GLIS3: variants seen among roughly 807,000 people sequenced by gnomAD.
GLIS3 encodes the protein GLIS family zinc finger 3, also known as zinc finger protein GLIS3.
GLIS3 carries 53 observed loss-of-function variants against 78.6 expected under a neutral mutation model. The observed-to-expected ratio is 0.67, with a 90% CI of 0.54 to 0.85. GLIS3 has a LOEUF of 0.85. Among genes scored for constraint, GLIS3 ranks in the 40% least tolerant of loss-of-function variants. GLIS3 has a pLI of 0.00. For missense variants in GLIS3, 1,703 were observed against 1,231.1 expected (o/e 1.38, Z -5.74); for synonymous variants, 684 against 509.9 (o/e 1.34, Z -4.60).
chr9:4,177,182 T>C (rs1358183636), intron 2 of GLIS3, among the ~76,000 whole-genome samples: 1 of 151,892 alleles, frequency 6.6e-6, no homozygotes, highest in Non-Finnish European at 1.5e-5. Context: ...AAATCACCAT[T>C]GCTTTAATTT....
At chr9:4,124,946 C>A (rs1214893108) in intron 3 of GLIS3, among the ~76,000 whole-genome samples, 1 of 152,198 alleles carries the variant, frequency 6.6e-6, no homozygotes, top group Non-Finnish European at 1.5e-5. Flanking sequence ...AACATAGACA[C>A]AGACCTTAAA....
chr9:4,341,202 C>T (rs1452464625), intron 2 of GLIS3, among the ~76,000 whole-genome samples: 1 of 152,220 alleles, frequency 6.6e-6, no homozygotes, highest in African/African-American at 2.4e-5. Context: ...CAAAACAAGA[C>T]TGCTCTCTAT....
intron 2 of GLIS3, among the ~76,000 whole-genome samples, chr9:4,340,475 C>T (rs1057314938): frequency 6.6e-6 from 1 of 152,118 alleles, no homozygotes; most frequent in Non-Finnish European, 1.5e-5. Context: ...GCAAATTCCT[C>T]ATCTTTCAGG....
chr9:4,374,897 C>A, the GLIS3 span, among the ~76,000 whole-genome samples: 1 of 152,222 alleles, frequency 6.6e-6, no homozygotes, highest in Non-Finnish European at 1.5e-5. Flanking sequence ...TTTTTTCCAC[C>A]TGACAACTCA....
At chr9:4,278,134 C>T (rs566711460) in intron 2 of GLIS3, among the ~76,000 whole-genome samples, 7 of 152,292 alleles carry the variant, frequency 4.6e-5, no homozygotes, top group Admixed American at 4.6e-4. Context: ...TTGCTGAAAA[C>T]ACTGACAAGT....
At chr9:3,887,474 GAAAT>G (rs761227718) in intron 7 of GLIS3, among the ~76,000 whole-genome samples, 71 of 152,302 alleles carry the variant, frequency 4.7e-4, no homozygotes, top group Admixed American at 1.6e-3. Flanking sequence ...CTAGGGAACA[GAAAT>G]AAATAAAGCA....
intron 2 of GLIS3, among the ~76,000 whole-genome samples, chr9:4,176,405 T>C (rs1816817841): frequency 2.0e-5 from 3 of 152,208 alleles, no homozygotes; most frequent in Middle Eastern, 3.2e-3. Context: ...ATAGGCAATT[T>C]TGCATGAAGT....
chr9:4,429,072 A>G, the GLIS3 span, among the ~76,000 whole-genome samples: 33,997 of 152,104 alleles, frequency 0.22, 4,573 homozygotes, highest in African/African-American at 0.38. Context: ...GTACCATATA[A>G]AATTGCTATC....
chr9:4,443,728 C>T, the GLIS3 span, among the ~76,000 whole-genome samples: 90 of 152,322 alleles, frequency 5.9e-4, no homozygotes, highest in African/African-American at 2.1e-3. Flanking sequence ...AAAGGAGTAA[C>T]AGGCTTATAT....
intron 2 of GLIS3, among the ~76,000 whole-genome samples, chr9:4,340,658 T>C (rs1001545469): frequency 6.6e-6 from 1 of 152,148 alleles, no homozygotes; most frequent in Non-Finnish European, 1.5e-5. Flanking sequence ...CTGGAGACCG[T>C]TGTCGGAACC....
intron 4 of GLIS3, among the ~76,000 whole-genome samples, chr9:4,040,718 G>A (rs1340374296): frequency 1.3e-5 from 2 of 152,150 alleles, no homozygotes; most frequent in African/African-American, 2.4e-5. Context: ...GAGAAAAGGA[G>A]AAAACACTAT....
intron 2 of GLIS3, among the ~76,000 whole-genome samples, chr9:4,138,288 A>G (rs1459439421): frequency 1.3e-5 from 2 of 152,230 alleles, no homozygotes. Context: ...TTTCCCAAAG[A>G]CACATTTACT....
intron 2 of GLIS3, among the ~76,000 whole-genome samples, chr9:4,269,784 T>TA (rs1222745020): frequency 1.3e-5 from 2 of 151,890 alleles, no homozygotes; most frequent in Admixed American, 6.6e-5. Context: ...ATAAAGAGGG[T>TA]AAAAAAATAG....
At chr9:3,877,285 C>G (rs1380728567) in intron 8 of GLIS3, among the ~76,000 whole-genome samples, 2 of 152,294 alleles carry the variant, frequency 1.3e-5, no homozygotes, top group Admixed American at 6.5e-5. Context: ...ATATATCAGA[C>G]AAGTGGAAGA....
At chr9:4,448,869 G>C in the GLIS3 span, among the ~76,000 whole-genome samples, 2 of 152,210 alleles carry the variant, frequency 1.3e-5, no homozygotes, top group Non-Finnish European at 2.9e-5. Flanking sequence ...TGGCCAAATA[G>C]GAATAGCTCC....
chr9:4,242,334 C>A (rs1195799906), intron 2 of GLIS3, among the ~76,000 whole-genome samples: 1 of 152,150 alleles, frequency 6.6e-6, no homozygotes, highest in East Asian at 1.9e-4. Context: ...AAAACCTGCC[C>A]AGGTTTGGCT....
chr9:4,252,983 A>G (rs1824540603), intron 2 of GLIS3, among the ~76,000 whole-genome samples: 1 of 152,146 alleles, frequency 6.6e-6, no homozygotes, highest in African/African-American at 2.4e-5. Flanking sequence ...CTTCCTCTGG[A>G]AGCTTCATTC....
At chr9:4,369,141 A>C in the GLIS3 span, among the ~76,000 whole-genome samples, 1 of 152,066 alleles carries the variant, frequency 6.6e-6, no homozygotes, top group Admixed American at 6.6e-5. Flanking sequence ...ATTTTTGCAC[A>C]TTATTAAGAC....
At chr9:4,449,550 TGG>T in the GLIS3 span, among the ~76,000 whole-genome samples, 4 of 152,186 alleles carry the variant, frequency 2.6e-5, no homozygotes, top group African/African-American at 9.7e-5. Flanking sequence ...GTAGCCTAAC[TGG>T]GAGACATCTC....
Sources: allele counts gnomAD v4.1 joint callset (sites outside exome capture counted in the v4.1 genomes callset), GRCh38; gene constraint gnomAD v4.1.1; transcripts MANE v1.5; gene names NCBI Gene and HGNC (gene_info 2026-07-23, HGNC 2026-07-21).